The following ALK variants were observed in gnomAD, a reference collection of about 807,000 sequenced individuals.
ALK encodes ALK receptor tyrosine kinase, also known as ALK tyrosine kinase receptor.
ALK carries 74 observed loss-of-function variants against 163.1 expected under a neutral mutation model. The ratio of observed to expected loss-of-function variants is 0.45; its 90% CI spans 0.38 to 0.55. The LOEUF (loss-of-function observed/expected upper bound fraction) is 0.55, where lower values mean the gene tolerates loss of function less well. Among genes scored for constraint, ALK ranks in the 20% least tolerant of loss-of-function variants. The pLI is 0.00. For missense variants in ALK, 2,063 were observed against 2,105.3 expected (o/e 0.98, Z 0.39); for synonymous variants, 960 against 843.2 (o/e 1.14, Z -2.40).
chr2:29,527,799 G>A (rs1318013911), intron 4 of ALK, among the ~76,000 whole-genome samples: 3 of 152,128 alleles, frequency 2.0e-5, no homozygotes, highest in East Asian at 1.9e-4. Context: ...ACAGGTGTGA[G>A]CCATTGTGCC....
At chr2:29,281,753 G>T (rs1484355283) in intron 9 of ALK, among the ~76,000 whole-genome samples, 5 of 152,174 alleles carry the variant, frequency 3.3e-5, no homozygotes. Flanking sequence ...TGGGCAGTGG[G>T]CCAAGTCTGG....
At chr2:29,522,813 C>T (rs977476859) in intron 4 of ALK, among the ~76,000 whole-genome samples, 1 of 152,158 alleles carries the variant, frequency 6.6e-6, no homozygotes, top group South Asian at 2.1e-4. Flanking sequence ...CCCACTTGTG[C>T]TGGTGTAAAA....
chr2:29,583,809 A>T (rs1237687023), intron 3 of ALK, among the ~76,000 whole-genome samples: 8 of 152,206 alleles, frequency 5.3e-5, no homozygotes, highest in African/African-American at 1.7e-4. Flanking sequence ...TGGGGCAATG[A>T]CCAGTCTTCA....
chr2:29,538,186 A>AT (rs200482867), intron 3 of ALK, among the ~76,000 whole-genome samples: 1 of 151,554 alleles, frequency 6.6e-6, no homozygotes, highest in African/African-American at 2.4e-5. Flanking sequence ...AGGACATGAT[A>AT]TTTGGGGGGG....
intron 5 of ALK, among the ~76,000 whole-genome samples, chr2:29,350,504 A>G (rs1406682665): frequency 6.6e-6 from 1 of 152,060 alleles, no homozygotes; most frequent in Non-Finnish European, 1.5e-5. Context: ...TGTGGGACAG[A>G]GACAGCTGCC....
At chr2:29,837,797 C>A (rs964316744) in intron 1 of ALK, among the ~76,000 whole-genome samples, 17 of 151,982 alleles carry the variant, frequency 1.1e-4, no homozygotes, top group Admixed American at 1.0e-3. Flanking sequence ...GTCTAGCATA[C>A]AATCAAAAAT....
intron 13 of ALK, among the ~76,000 whole-genome samples, chr2:29,235,858 T>TTC (rs1664361486): frequency 1.5e-5 from 1 of 68,048 alleles, no homozygotes; most frequent in African/African-American, 6.4e-5. Context: ...AGGCTCGACT[T>TTC]TTTTTTTTTT....
At chr2:29,308,923 T>C (rs1277363286) in intron 8 of ALK, among the ~76,000 whole-genome samples, 1 of 152,172 alleles carries the variant, frequency 6.6e-6, no homozygotes, top group Non-Finnish European at 1.5e-5. Flanking sequence ...TGCTGTTTTT[T>C]AATCTTCTGG....
intron 1 of ALK, among the ~76,000 whole-genome samples, chr2:29,909,476 C>CAGAGAG (rs1313074824): frequency 5.2e-5 from 5 of 96,780 alleles, no homozygotes; most frequent in South Asian, 3.9e-4. Flanking sequence ...GAGAGACAGA[C>CAGAGAG]AGACAGAGAG....
rs1041656802 is a variant in ALK, at chr2:29,853,551, C to A, written c.667+66442G>T. Among the ~76,000 whole-genome samples the A allele has an allele frequency of 2.0e-5, 3 of 152,192 alleles. 1 individual carries two copies. The highest frequency in any genetic ancestry group is 6.5e-5 in the Admixed American group (1 of 15,282). ...TCATTGCTCATCTGGTCTTCTACGG[C>A]AGCCTCTCAACCAGCTTCCTTCCTG... is the stretch of plus-strand genomic sequence containing the variant. On this transcript the variant is annotated intron_variant, in intron 1 of 28. Coordinates refer to ENST00000389048, the MANE Select transcript of ALK (RefSeq NM_004304.5).
At chr2:29,619,649 C>T (rs1158381047) in intron 3 of ALK, among the ~76,000 whole-genome samples, 1 of 152,210 alleles carries the variant, frequency 6.6e-6, no homozygotes, top group African/African-American at 2.4e-5. Context: ...GAGAACTTAG[C>T]CCCGATGGAT....
intron 5 of ALK, among the ~76,000 whole-genome samples, chr2:29,367,943 A>C (rs1668547125): frequency 6.6e-6 from 1 of 152,010 alleles, no homozygotes; most frequent in Non-Finnish European, 1.5e-5. Context: ...TCAATTTCCT[A>C]CTCAGCTTTG....
rs150629219 is a variant in ALK, at chr2:29,723,012, G to A, written c.668-5315C>T. The stretch of plus-strand genomic sequence containing the variant: ...ACCCCTTCTCATCTTTTCCCATCTC[G>A]CATCTCTCCATTATTGCTATGAGCT... On this transcript the variant is annotated intron_variant, in intron 1 of 28. Coordinates refer to ENST00000389048, the MANE Select transcript of ALK (RefSeq NM_004304.5). Among the ~76,000 whole-genome samples, 786 of 151,980 alleles carry A rather than the reference G, an allele frequency of 5.2e-3. 12 individuals are homozygous for A. Among genetic ancestry groups the A allele is most frequent in the African/African-American group, 0.017 (718 of 41,432 alleles).
At chr2:29,299,663 A>T (rs972768911) in intron 8 of ALK, among the ~76,000 whole-genome samples, 3 of 152,246 alleles carry the variant, frequency 2.0e-5, no homozygotes, top group Non-Finnish European at 4.4e-5. Context: ...TGCATTTCAA[A>T]GGGAAGTGTA....
At chr2:29,240,489 C>A (rs1558633760) in intron 12 of ALK, among the ~76,000 whole-genome samples, 1 of 152,060 alleles carries the variant, frequency 6.6e-6, no homozygotes, top group African/African-American at 2.4e-5. Flanking sequence ...TGACTTGGTA[C>A]AAAGTTGTAA....
chr2:29,497,248 G>A (rs1463051905), intron 4 of ALK, among the ~76,000 whole-genome samples: 2 of 151,206 alleles, frequency 1.3e-5, no homozygotes, highest in African/African-American at 4.9e-5. Flanking sequence ...CTCCTGCCTG[G>A]GCAACAAGAG....
At chr2:29,745,332 A>C (rs1680181881) in intron 1 of ALK, among the ~76,000 whole-genome samples, 1 of 152,192 alleles carries the variant, frequency 6.6e-6, no homozygotes, top group African/African-American at 2.4e-5. Context: ...AACTTCCTGC[A>C]ACTTCCTGCC....
chr2:29,453,275 A>G (rs1444398229), intron 4 of ALK, among the ~76,000 whole-genome samples: 1 of 152,224 alleles, frequency 6.6e-6, no homozygotes, highest in Non-Finnish European at 1.5e-5. Flanking sequence ...TCTGTTGCCC[A>G]GGGTAGAGTG....
chr2:29,819,026 G>C (rs2148377161), intron 1 of ALK, among the ~76,000 whole-genome samples: 1 of 152,276 alleles, frequency 6.6e-6, no homozygotes, highest in African/African-American at 2.4e-5. Flanking sequence ...CTGCCCCCAG[G>C]AAAAGAAATA....
Sources: allele counts gnomAD v4.1 joint callset (sites outside exome capture counted in the v4.1 genomes callset), GRCh38; gene constraint gnomAD v4.1.1; transcripts MANE v1.5; gene names NCBI Gene and HGNC (gene_info 2026-07-23, HGNC 2026-07-21).